ARHGAP8: variants seen among roughly 807,000 people sequenced by gnomAD.
ARHGAP8 encodes the protein Rho GTPase activating protein 8, also known as rho GTPase-activating protein 8.
A neutral mutation model predicts 46.1 loss-of-function variants in ARHGAP8; 62 were observed. That is an observed-to-expected ratio of 1.34 (90% CI 1.10 to 1.66). The LOEUF (loss-of-function observed/expected upper bound fraction) is 1.66. Among genes scored for constraint, ARHGAP8 ranks in the 40% most tolerant of loss-of-function variants. The pLI is 0.00. For missense variants in ARHGAP8, 923 were observed against 568.4 expected (o/e 1.62, Z -6.34); for synonymous variants, 375 against 243.1 (o/e 1.54, Z -5.05).
chr22:44,783,463 A>C (rs189431014), intron 1 of ARHGAP8, among the ~76,000 whole-genome samples: 210 of 152,250 alleles, frequency 1.4e-3, no homozygotes, highest in African/African-American at 4.8e-3. Context: ...CTGCAGCCAG[A>C]GGGATCCTGG....
At chr22:44,763,758 G>A (rs540106654) in intron 1 of ARHGAP8, among the ~76,000 whole-genome samples, 5 of 151,610 alleles carry the variant, frequency 3.3e-5, no homozygotes, top group Non-Finnish European at 7.4e-5. Flanking sequence ...CAGACAAGGC[G>A]GAATCGGTGT....
intron 11 of ARHGAP8, among the ~76,000 whole-genome samples, chr22:44,861,772 T>C (rs535200739): frequency 6.6e-6 from 1 of 152,236 alleles, no homozygotes; most frequent in East Asian, 1.9e-4. Flanking sequence ...TGGGGAGTAA[T>C]GACTCCCCCG....
chr22:44,819,588 G>A (rs568773631), intron 5 of ARHGAP8, among the ~76,000 whole-genome samples: 3 of 152,188 alleles, frequency 2.0e-5, no homozygotes, highest in Non-Finnish European at 2.9e-5. Flanking sequence ...TACGAGAATC[G>A]CTTGAACCCG....
chr22:44,787,940 TCCCCCCAAATGTCC>T (rs1569145133), intron 2 of ARHGAP8, among the ~76,000 whole-genome samples: 65 of 118,144 alleles, frequency 5.5e-4, no homozygotes, highest in South Asian at 2.0e-3. Context: ...TTTTTTTTTT[TCCCCCCAAATGTCC>T]TTTTAAGAAA....
intron 11 of ARHGAP8, among the ~76,000 whole-genome samples, chr22:44,861,514 C>T (rs1396194563): frequency 6.6e-6 from 1 of 151,554 alleles, no homozygotes; most frequent in Non-Finnish European, 1.5e-5. Flanking sequence ...TGAGCATCCT[C>T]AACAGATCTG....
chr22:44,859,870 A>C (rs781048572), intron 11 of ARHGAP8, 36 bp downstream of exon 11: 4 of 1,605,666 alleles, frequency 2.5e-6, no homozygotes, highest in South Asian at 1.1e-5. Flanking sequence ...GGTGAAGCCC[A>C]GTGGCCTTCC....
chr22:44,781,360 G>A (rs1398030709), intron 1 of ARHGAP8, among the ~76,000 whole-genome samples: 2 of 152,102 alleles, frequency 1.3e-5, no homozygotes, highest in East Asian at 1.9e-4. Context: ...GCAGCGTGAC[G>A]GTAATGCAGA....
At chr22:44,812,933 A>G (rs756437564) in intron 4 of ARHGAP8, among the ~76,000 whole-genome samples, 2 of 152,148 alleles carry the variant, frequency 1.3e-5, no homozygotes, top group South Asian at 2.1e-4. Context: ...TTTAATGATC[A>G]AATTGTCCCA....
At chr22:44,801,931 A>G (rs1928583390) in intron 2 of ARHGAP8, 146 bp from the exon 3 acceptor site, 1 of 787,588 alleles carries the variant, frequency 1.3e-6, no homozygotes, top group Non-Finnish European at 2.1e-6. Context: ...ATGGATGCTC[A>G]CTCAGCAGGT....
intron 1 of ARHGAP8, among the ~76,000 whole-genome samples, chr22:44,782,057 G>A (rs1324531814): frequency 2.0e-5 from 3 of 152,236 alleles, no homozygotes; most frequent in South Asian, 2.1e-4. Context: ...CTTTAGGGCC[G>A]GGTGTGGTGG....
At chr22:44,808,903 G>A (rs761027216) in intron 4 of ARHGAP8, 9 of 363,170 alleles carry the variant, frequency 2.5e-5, no homozygotes, top group East Asian at 7.3e-5. Flanking sequence ...CTGCAGCCTC[G>A]GCCTCCTGGG....
chr22:44,848,873 T>C (rs2070025650), intron 9 of ARHGAP8, 59 bp from the exon 10 acceptor site: 1 of 1,605,328 alleles, frequency 6.2e-7, no homozygotes, highest in Non-Finnish European at 8.5e-7. Flanking sequence ...GAGCTCGTTC[T>C]GCAGCGGCAG....
At chr22:44,754,609 G>A (rs942107616) in intron 1 of ARHGAP8, among the ~76,000 whole-genome samples, 1 of 151,994 alleles carries the variant, frequency 6.6e-6, no homozygotes, top group Non-Finnish European at 1.5e-5. Flanking sequence ...GTCTGCCTTG[G>A]CCTTCCAAAG....
chr22:44,847,171 GCAGGCT>G (rs1271576841), intron 8 of ARHGAP8, among the ~76,000 whole-genome samples: 1 of 152,230 alleles, frequency 6.6e-6, no homozygotes, highest in Non-Finnish European at 1.5e-5. Context: ...CCCCCCAAGG[GCAGGCT>G]CAGGCCTGTT....
intron 6 of ARHGAP8, among the ~76,000 whole-genome samples, chr22:44,824,147 T>G (rs1175826908): frequency 6.6e-6 from 1 of 152,096 alleles, no homozygotes; most frequent in Non-Finnish European, 1.5e-5. Context: ...GGCAGGGCCT[T>G]GGGGTGCTGA....
At chr22:44,857,443 C>G (rs1474109055) in intron 10 of ARHGAP8, among the ~76,000 whole-genome samples, 2 of 152,098 alleles carry the variant, frequency 1.3e-5, no homozygotes, top group African/African-American at 4.8e-5. Context: ...GACAGATTCA[C>G]AAGAGAAAAA....
chr22:44,818,705 C>CTT (rs1569160861), intron 5 of ARHGAP8, among the ~76,000 whole-genome samples: 10 of 151,908 alleles, frequency 6.6e-5, no homozygotes, highest in African/African-American at 2.4e-4. Context: ...CCTTCCTTTT[C>CTT]TCTTTTTTTT....
At chr22:44,828,114 G>A (rs1047054042) in intron 7 of ARHGAP8, among the ~76,000 whole-genome samples, 5 of 152,170 alleles carry the variant, frequency 3.3e-5, no homozygotes, top group Non-Finnish European at 5.9e-5. Flanking sequence ...CTAACTAGGC[G>A]CACACACGAG....
intron 2 of ARHGAP8, among the ~76,000 whole-genome samples, chr22:44,792,534 C>G (rs1002817957): frequency 6.6e-6 from 1 of 152,132 alleles, no homozygotes. Flanking sequence ...TCCTGCTCCT[C>G]CAGGGCGTGG....
Sources: gnomAD v4.1 joint callset for allele counts (sites outside exome capture counted in the v4.1 genomes callset) on GRCh38, gnomAD v4.1.1 for gene constraint, MANE v1.5 for transcripts, NCBI Gene and HGNC (gene_info 2026-07-23, HGNC 2026-07-21) for gene names.